GLUD1: variants seen among roughly 807,000 people sequenced by gnomAD.
GLUD1 encodes glutamate dehydrogenase 1.
Under a neutral mutation model 56.0 loss-of-function variants are expected in GLUD1, and 22 were observed. The ratio of observed to expected loss-of-function variants is 0.39; its 90% confidence interval spans 0.28 to 0.56. GLUD1 has a LOEUF of 0.56. GLUD1 is among the 20% of genes least tolerant of loss of function. GLUD1 has a pLI of 0.58. For missense variants in GLUD1, 451 were observed against 732.0 expected, an observed-to-expected ratio of 0.62 and a Z score of 4.43; for synonymous variants, 223 against 269.9, an observed-to-expected ratio of 0.83 and a Z score of 1.70.
chr10:87,067,953 T>C (rs755652560), intron 5 of GLUD1, 110 bp downstream of exon 5: 16 of 710,632 alleles, frequency 2.3e-5, no homozygotes, highest in Non-Finnish European at 3.1e-5. Context: ...AAGATTATGA[T>C]TGAATGAGAG....
intron 1 of GLUD1, among the ~76,000 whole-genome samples, chr10:87,078,688 CA>C (rs1477120521): frequency 6.6e-6 from 1 of 152,016 alleles, no homozygotes; most frequent in Non-Finnish European, 1.5e-5. Flanking sequence ...AATAACTTAC[CA>C]TAAGCCTCCA....
chr10:87,079,126 TAA>T (rs1564559132), intron 1 of GLUD1, among the ~76,000 whole-genome samples: 3 of 152,044 alleles, frequency 2.0e-5, no homozygotes, highest in Non-Finnish European at 4.4e-5. Context: ...TCATAAATCA[TAA>T]AATTACTTTG....
intron 11 of GLUD1, among the ~76,000 whole-genome samples, chr10:87,056,140 A>AAC (rs1845768515): frequency 6.9e-6 from 1 of 144,688 alleles, no homozygotes; most frequent in Non-Finnish European, 1.5e-5. Flanking sequence ...AAAAAAAAAA[A>AAC]CCAAAAAAAA....
chr10:87,094,243 G>T lies in GLUD1; in HGVS notation c.445+82C>A. ...CAGCTGGGCTGGGCTGGGCTGAGCA[G>T]CGGCCCCGCACCGGCAGGAGGCCGG... On this transcript the variant is annotated intron_variant, in intron 1 of 12. Transcript: ENST00000277865. This position sits in a 1 kb window ranked among gnomAD's most constrained non-coding sequence, Gnocchi z 6.6. 6.6e-7 allele frequency: 1 copy of T among 1,506,702 alleles called. No individual in the cohort carries two copies. The highest frequency in any genetic ancestry group is 9.0e-7 in the Non-Finnish European group (1 of 1,116,000). 93.3% of individuals were successfully genotyped at this position (1,506,702 alleles called of 1,614,324 possible).
intron 1 of GLUD1, among the ~76,000 whole-genome samples, chr10:87,079,544 A>T (rs1841146457): frequency 6.6e-6 from 1 of 152,204 alleles, no homozygotes; most frequent in African/African-American, 2.4e-5. Flanking sequence ...AATGATAACT[A>T]CACTAAGCCA....
Position 87,094,383 on chromosome 10 carries a change from C to T in GLUD1, c.387G>A (p.Trp129Ter). The change falls in exon 1 of 13, where the codon TGG (tryptophan) becomes TGA (stop). Residue 129 changes from tryptophan to a stop codon, truncating the protein, a stop_gained. Transcript: ENST00000277865. LOFTEE classifies it high-confidence loss of function. The surrounding 1 kb of genome is among the most constrained non-coding windows in gnomAD (Gnocchi z 6.6). ...SFPIRRDDGS[W>*]EVIEGYRAQH... ...GGGCCCGGTAGCCTTCGATGACCTC[C>T]CAGGAGCCGTCGTCGCGCCGGATGG... The T allele has an allele frequency of 6.2e-7, 1 of 1,613,040 alleles. No individual in the cohort carries two copies. Among genetic ancestry groups the T allele is most frequent in the Non-Finnish European group, 8.5e-7 (1 of 1,179,810 alleles).
In GLUD1 at chr10:87,094,093, C is replaced by G. The variant is rs1841634969; in HGVS notation, c.445+232G>C. ...CATGCAAGATCAGCATATACAGAGG[C>G]CCGGGGTGACGGCGCGGGGGAGGGG... On this transcript the variant is annotated intron_variant, in intron 1 of 12. Transcript: ENST00000277865. This position sits in a 1 kb window ranked among gnomAD's most constrained non-coding sequence, Gnocchi z 6.6. 2.0e-6 allele frequency: 3 copies of G among 1,506,998 alleles called. No homozygotes were observed. The Admixed American group carries it at 6.3e-5, about 32-fold the overall frequency. The allele number at this position is 1,506,998 out of a possible 1,614,324, so 93.4% of individuals were successfully genotyped here.
Position 87,094,071 on chromosome 10 carries a change from G to A in GLUD1, c.445+254C>T, listed in dbSNP as rs1841633477. On this transcript the variant is annotated intron_variant, in intron 1 of 12. Coordinates refer to ENST00000277865, the MANE Select transcript of GLUD1 (RefSeq NM_005271.5). The surrounding 1 kb of genome is among the most constrained non-coding windows in gnomAD (Gnocchi z 6.6). The stretch of plus-strand genomic sequence containing the variant: ...GACCGGTGCAGCGTCTACTCTGCAT[G>A]CAAGATCAGCATATACAGAGGCCCG... 3.3e-6 allele frequency: 5 copies of A among 1,516,944 alleles called. No homozygotes were observed. The highest frequency in any genetic ancestry group is 1.2e-5 in the South Asian group (1 of 83,082). 94.0% of individuals were successfully genotyped at this position (1,516,944 alleles called of 1,614,324 possible).
chr10:87,094,598 C>T lies in GLUD1; in HGVS notation c.172G>A (p.Ala58Thr). Residue 58 changes from alanine (A) to threonine (T), a missense_variant, in exon 1 of 13, where the codon GCC becomes ACC. Physicochemically the swap from Ala to Thr is moderately conservative, Grantham distance 58. Coordinates refer to ENST00000277865, the MANE Select transcript of GLUD1 (RefSeq NM_005271.5). The surrounding 1 kb of genome is among the most constrained non-coding windows in gnomAD (Gnocchi z 6.6). ...AAGTTGGGGTCGTCCTCGCGGTCGG[C>T]CACCGCCTCGCTGTAGTGGCGCCGG... ...AARRHYSEAV[A>T]DREDDPNFFK... 3 of 1,611,012 alleles carry T rather than the reference C, an allele frequency of 1.9e-6. No homozygotes were observed. Among genetic ancestry groups the T allele is most frequent in the South Asian group, 2.2e-5 (2 of 90,994 alleles).
At chr10:87,065,973 T>C (rs1564768957) in intron 5 of GLUD1, among the ~76,000 whole-genome samples, 1 of 152,088 alleles carries the variant, frequency 6.6e-6, no homozygotes, top group Non-Finnish European at 1.5e-5. Context: ...AATGTCCCCA[T>C]TTCCACATTC....
At chr10:87,081,011 A>G (rs1368284278) in intron 1 of GLUD1, among the ~76,000 whole-genome samples, 1 of 117,248 alleles carries the variant, frequency 8.5e-6, no homozygotes, top group East Asian at 2.7e-4. Flanking sequence ...CCCGTCCGGG[A>G]GGGAGGTGGG....
At chr10:87,092,850 C>G (rs569700614) in intron 1 of GLUD1, among the ~76,000 whole-genome samples, 5 of 152,220 alleles carry the variant, frequency 3.3e-5, no homozygotes, top group Non-Finnish European at 7.3e-5. Flanking sequence ...CTCCAACATC[C>G]TTATTTGCCT....
chr10:87,052,005 A>C, intron 12 of GLUD1, 135 bp from the exon 13 acceptor site: 40 of 958,250 alleles, frequency 4.2e-5, no homozygotes, highest in East Asian at 7.3e-5. Flanking sequence ...GCCAAAGACA[A>C]ACTACTCTAG....
chr10:87,091,245 G>T (rs974381228), intron 1 of GLUD1, among the ~76,000 whole-genome samples: 3 of 16,456 alleles, frequency 1.8e-4, no homozygotes, highest in Non-Finnish European at 3.0e-4. Context: ...AAGACAACTG[G>T]GGGGGGGCAG....
At chr10:87,093,518 C>T (rs1841590232) in intron 1 of GLUD1, among the ~76,000 whole-genome samples, 2 of 152,164 alleles carry the variant, frequency 1.3e-5, no homozygotes, top group South Asian at 2.1e-4. Flanking sequence ...CATTATCTGA[C>T]CCCTTTCTTC....
At chr10:87,059,112 A>T in intron 10 of GLUD1, 38 bp downstream of exon 10, 1 of 1,611,664 alleles carries the variant, frequency 6.2e-7, no homozygotes, top group East Asian at 2.2e-5. Flanking sequence ...AGCTGGCTCA[A>T]AAGATGAGTT....
chr10:87,059,025 ATAT>A (rs1845862128), intron 10 of GLUD1, 122 bp downstream of exon 10: 3 of 1,142,920 alleles, frequency 2.6e-6, no homozygotes, highest in Non-Finnish European at 4.0e-6. Context: ...ATGAGACAAA[ATAT>A]TATTTTCTTT....
In GLUD1 at chr10:87,094,602, C is replaced by T. The variant is rs930453131; in HGVS notation, c.168G>A (p.Ala56=). ...ALAARRHYSE[A]VADREDDPNF... ...TGGGGTCGTCCTCGCGGTCGGCCAC[C>T]GCCTCGCTGTAGTGGCGCCGGGCGG... The change falls in exon 1 of 13, where the codon GCG becomes GCA. Residue 56 remains alanine (A), a synonymous_variant. Coordinates refer to ENST00000277865, the MANE Select transcript of GLUD1 (RefSeq NM_005271.5). This position sits in a 1 kb window ranked among gnomAD's most constrained non-coding sequence, Gnocchi z 6.6. 1.9e-6 allele frequency: 3 copies of T among 1,610,936 alleles called. No individual in the cohort carries two copies. Among genetic ancestry groups the T allele is most frequent in the Non-Finnish European group, 2.5e-6 (3 of 1,179,732 alleles).
At chr10:87,093,634 A>C (rs529480587) in intron 1 of GLUD1, among the ~76,000 whole-genome samples, 33 of 152,258 alleles carry the variant, frequency 2.2e-4, no homozygotes, top group African/African-American at 7.0e-4. Flanking sequence ...GCAGCCTACA[A>C]CCTGTAAATT....
Sources: allele counts gnomAD v4.1 joint callset (sites outside exome capture counted in the v4.1 genomes callset), GRCh38; gene constraint gnomAD v4.1.1; non-coding constraint Gnocchi (gnomAD v3.1); transcripts MANE v1.5; gene names NCBI Gene and HGNC (gene_info 2026-07-23, HGNC 2026-07-21).